CLVS1: variants seen among roughly 807,000 people sequenced by gnomAD.
The protein encoded by CLVS1 is clavesin 1, also known as clavesin-1.
Under a neutral mutation model 33.1 loss-of-function variants are expected in CLVS1, and 10 were observed. The ratio of observed to expected loss-of-function variants is 0.30; its 90% CI spans 0.19 to 0.51. The LOEUF (loss-of-function observed/expected upper bound fraction) is 0.51, where lower values mean the gene tolerates loss of function less well. CLVS1 is among the 20% of genes least tolerant of loss of function. The pLI, the probability that CLVS1 is intolerant of heterozygous loss-of-function variation, is 0.97. For synonymous variants in CLVS1, 163 were observed against 166.1 expected, an observed-to-expected ratio of 0.98 and a Z score of 0.14; for missense variants, 343 against 433.4, an observed-to-expected ratio of 0.79 and a Z score of 1.85.
At chr8:61,099,718 A>G (rs2129286217) in intron 1 of CLVS1, among the ~76,000 whole-genome samples, 1 of 152,258 alleles carries the variant, frequency 6.6e-6, no homozygotes, top group South Asian at 2.1e-4. Flanking sequence ...TATCTGTTGA[A>G]AGTTTATTGT....
chr8:61,050,623 C>T, the CLVS1 span, among the ~76,000 whole-genome samples: 2 of 142,226 alleles, frequency 1.4e-5, no homozygotes, highest in East Asian at 2.1e-4. Flanking sequence ...AGAGGGCTGA[C>T]CTGGGCACAC....
intron 2 of CLVS1, among the ~76,000 whole-genome samples, chr8:61,330,949 A>G (rs1374412528): frequency 6.6e-6 from 1 of 151,862 alleles, no homozygotes; most frequent in African/African-American, 2.4e-5. Flanking sequence ...TTAGCTAGGC[A>G]TGGTGGCATG....
intron 2 of CLVS1, among the ~76,000 whole-genome samples, chr8:61,242,785 C>A (rs1055926170): frequency 1.4e-5 from 2 of 147,930 alleles, no homozygotes; most frequent in Non-Finnish European, 3.0e-5. Flanking sequence ...AGAGCAGGAC[C>A]CTGCCTCAAA....
At chr8:61,021,136 T>G in the CLVS1 span, among the ~76,000 whole-genome samples, 1 of 152,222 alleles carries the variant, frequency 6.6e-6, no homozygotes, top group Non-Finnish European at 1.5e-5. Flanking sequence ...TCTTGAGAAC[T>G]TTCAAGAGCC....
rs1006081138 is a variant in CLVS1, at chr8:61,303,213, T to C, written c.455+2931T>C. Reference sequence around the variant, plus strand: ...ACACACATAAAGAAATCAGCCATGGTAAAATATTTTATTTTGTGTTAGGAT... The same window carrying C: ...ACACACATAAAGAAATCAGCCATGGCAAAATATTTTATTTTGTGTTAGGAT... On this transcript the variant is annotated intron_variant, in intron 2 of 5. Coordinates refer to ENST00000325897, the MANE Select transcript of CLVS1 (RefSeq NM_173519.3). Among the ~76,000 whole-genome samples the C allele has an allele frequency of 8.5e-5, 13 of 152,366 alleles. No homozygotes were observed. The Middle Eastern group carries it at 0.01, about 120-fold the overall frequency.
At chr8:61,416,279 AAG>A (rs1353721289) in intron 3 of CLVS1, among the ~76,000 whole-genome samples, 19 of 93,158 alleles carry the variant, frequency 2.0e-4, no homozygotes, top group Admixed American at 8.9e-4. Context: ...TTAGTTGAAC[AAG>A]ATAGCTAGCT....
At chr8:61,482,257 C>T (rs1383076014) in intron 5 of CLVS1, among the ~76,000 whole-genome samples, 1 of 152,188 alleles carries the variant, frequency 6.6e-6, no homozygotes, top group African/African-American at 2.4e-5. Context: ...GAAACCAGAG[C>T]AGAAAAGAGG....
At chr8:61,363,019 C>CG (rs560835755) in intron 2 of CLVS1, among the ~76,000 whole-genome samples, 104 of 152,204 alleles carry the variant, frequency 6.8e-4, no homozygotes, top group Non-Finnish European at 1.2e-3. Flanking sequence ...AGATAGGTAA[C>CG]GGGTCATCAA....
At chr8:61,045,469 C>T in the CLVS1 span, among the ~76,000 whole-genome samples, 2 of 152,284 alleles carry the variant, frequency 1.3e-5, no homozygotes, top group African/African-American at 4.8e-5. Context: ...TATTCTACCC[C>T]ATGCCACACC....
chr8:61,097,938 TA>T (rs1171408467), intron 1 of CLVS1, among the ~76,000 whole-genome samples: 1 of 152,138 alleles, frequency 6.6e-6, no homozygotes. Context: ...AAGGCTATTT[TA>T]AAAGAGCTCA....
the CLVS1 span, among the ~76,000 whole-genome samples, chr8:61,019,039 C>A: frequency 1.6e-4 from 24 of 152,190 alleles, no homozygotes; most frequent in Non-Finnish European, 2.5e-4. Context: ...TGGGAAGCTG[C>A]GGCTGAGCTG....
chr8:61,443,817 G>C (rs1237682927), intron 3 of CLVS1, among the ~76,000 whole-genome samples: 1 of 151,990 alleles, frequency 6.6e-6, no homozygotes, highest in Non-Finnish European at 1.5e-5. Context: ...CATTAAACCT[G>C]TTTACCAATT....
chr8:61,392,945 G>A (rs895914330), intron 3 of CLVS1, among the ~76,000 whole-genome samples: 13 of 152,024 alleles, frequency 8.6e-5, no homozygotes, highest in African/African-American at 2.2e-4. Context: ...GTGCAATTGT[G>A]CTATCTCGGC....
chr8:61,315,976 G>A (rs1183704875), intron 2 of CLVS1, among the ~76,000 whole-genome samples: 1 of 152,026 alleles, frequency 6.6e-6, no homozygotes, highest in Non-Finnish European at 1.5e-5. Context: ...GAGAACATGT[G>A]TGTTTGGTTT....
At chr8:61,492,530 G>A (rs886848192) in intron 5 of CLVS1, among the ~76,000 whole-genome samples, 4 of 152,024 alleles carry the variant, frequency 2.6e-5, no homozygotes, top group Non-Finnish European at 5.9e-5. Flanking sequence ...TTTTGGGGGG[G>A]TCTTTCTTCT....
At chr8:61,341,745 G>A (rs1485178521) in intron 2 of CLVS1, among the ~76,000 whole-genome samples, 1 of 152,168 alleles carries the variant, frequency 6.6e-6, no homozygotes, top group African/African-American at 2.4e-5. Context: ...TTTTAAAGGT[G>A]GAGGTGAAAG....
At chr8:61,193,264 A>C (rs1470840047) in intron 2 of CLVS1, among the ~76,000 whole-genome samples, 5 of 152,132 alleles carry the variant, frequency 3.3e-5, no homozygotes, top group Admixed American at 6.6e-5. Context: ...GCAAACTGTC[A>C]CACGGACAAA....
intron 1 of CLVS1, among the ~76,000 whole-genome samples, chr8:61,084,667 T>C (rs1805086090): frequency 1.3e-5 from 2 of 152,198 alleles, no homozygotes; most frequent in Non-Finnish European, 2.9e-5. Context: ...TATTTAGATA[T>C]GTGAAATTTA....
At chr8:60,967,902 C>T in the CLVS1 span, 3 of 318,842 alleles carry the variant, frequency 9.4e-6, no homozygotes, top group South Asian at 2.4e-5. Context: ...AGAAAATTCT[C>T]CACACACCCG....
Sources: allele counts gnomAD v4.1 joint callset (sites outside exome capture counted in the v4.1 genomes callset), GRCh38; gene constraint gnomAD v4.1.1; transcripts MANE v1.5; gene names NCBI Gene and HGNC (gene_info 2026-07-23, HGNC 2026-07-21).